Variants in TAF2 observed in about 807,000 individuals in gnomAD.
TAF2 encodes the protein TATA-box binding protein associated factor 2.
Under a neutral mutation model 138.5 loss-of-function variants are expected in TAF2, and 61 were observed. The observed-to-expected ratio is 0.44, with a 90% confidence interval of 0.36 to 0.54. The LOEUF (loss-of-function observed/expected upper bound fraction) is 0.54. Among genes scored for constraint, TAF2 ranks in the 20% least tolerant of loss-of-function variants. TAF2 has a pLI of 0.00. For synonymous variants in TAF2, 475 were observed against 469.9 expected (o/e 1.01, Z -0.14); for missense variants, 1,090 against 1,427.9 (o/e 0.76, Z 3.81).
At chr8:119,816,433 T>C (rs1355688322) in intron 3 of TAF2, among the ~76,000 whole-genome samples, 4 of 152,196 alleles carry the variant, frequency 2.6e-5, no homozygotes, top group Non-Finnish European at 5.9e-5. Flanking sequence ...GAAAATGTGA[T>C]TAAATATTAT....
At chr8:119,785,427 T>C (rs1339172636) in intron 14 of TAF2, among the ~76,000 whole-genome samples, 161 bp from the exon 15 acceptor site, 1 of 152,208 alleles carries the variant, frequency 6.6e-6, no homozygotes, top group Non-Finnish European at 1.5e-5. Context: ...GAACAAAGTC[T>C]CTTTATTTTA....
intron 5 of TAF2, 134 bp downstream of exon 5, chr8:119,803,744 G>A: frequency 4.4e-6 from 4 of 906,686 alleles, no homozygotes; most frequent in South Asian, 3.9e-5. Flanking sequence ...CTAACAGAAA[G>A]TAATTTGAAA....
chr8:119,801,566 C>T (rs1362400837), intron 6 of TAF2, among the ~76,000 whole-genome samples: 1 of 151,734 alleles, frequency 6.6e-6, no homozygotes, highest in Non-Finnish European at 1.5e-5. Context: ...GTAGCTGGGA[C>T]TACAGGCGCC....
chr8:119,832,628 T>C lies in TAF2; in HGVS notation c.-64A>G. 2 of 1,509,468 alleles carry C rather than the reference T, an allele frequency of 1.3e-6. No homozygotes were observed. Among genetic ancestry groups the C allele is most frequent in the Non-Finnish European group, 1.8e-6 (2 of 1,097,796 alleles). The allele number at this position is 1,509,468 out of a possible 1,614,324, so 93.5% of individuals were successfully genotyped here. A position where few individuals can be genotyped will look rare whatever the true frequency, so the allele number is the denominator to read the frequency against. On this transcript the variant is annotated 5_prime_UTR_variant, in exon 1 of 26. Coordinates refer to ENST00000378164, the MANE Select transcript of TAF2 (RefSeq NM_003184.4). ...GGGGATACGGGGCATTACTAGTCTT[T>C]GGCACCTCACACTCTCCACTCCCCT...
chr8:119,768,036 C>G lies in TAF2; in HGVS notation c.2365-5428G>C, dbSNP rs1821562369. On this transcript the variant is annotated intron_variant, in intron 18 of 25. Transcript: ENST00000378164. ...CTATAAAAGGGAAGTGCAATCGGGC[C>G]ACGCATCCCACAGCTGCCAGCCTCC... Among the ~76,000 whole-genome samples, 2 of 152,186 alleles carry G rather than the reference C, an allele frequency of 1.3e-5. 1 individual carries two copies. Among genetic ancestry groups the G allele is most frequent in the African/African-American group, 4.8e-5 (2 of 41,452 alleles).
At chr8:119,741,504 G>A (rs1040843543) in intron 25 of TAF2, among the ~76,000 whole-genome samples, 1 of 152,160 alleles carries the variant, frequency 6.6e-6, no homozygotes, top group Admixed American at 6.5e-5. Context: ...GTCCCCAACT[G>A]ATTTCTTTCT....
chr8:119,811,469 A>G (rs1179242050), intron 3 of TAF2, among the ~76,000 whole-genome samples: 1 of 152,210 alleles, frequency 6.6e-6, no homozygotes, highest in Non-Finnish European at 1.5e-5. Flanking sequence ...CTGAAAAATT[A>G]AAGTAATAAG....
intron 2 of TAF2, among the ~76,000 whole-genome samples, chr8:119,828,303 G>A (rs1826227127): frequency 6.6e-6 from 1 of 152,188 alleles, no homozygotes; most frequent in Non-Finnish European, 1.5e-5. Context: ...TGGAAGTTGA[G>A]GCTGCCCCTT....
intron 20 of TAF2, 177 bp downstream of exon 20, chr8:119,760,422 T>C: frequency 1.4e-6 from 1 of 717,110 alleles, no homozygotes; most frequent in South Asian, 2.1e-5. Context: ...CTTTCCCTCA[T>C]TTATTAACTC....
At chr8:119,757,612 G>A (rs1586337672) in intron 21 of TAF2, among the ~76,000 whole-genome samples, 2 of 147,616 alleles carry the variant, frequency 1.4e-5, no homozygotes, top group Middle Eastern at 6.9e-3. Context: ...TTTTAGCTGA[G>A]TGCGGTGGCT....
intron 22 of TAF2, among the ~76,000 whole-genome samples, chr8:119,751,386 C>T (rs1196400407): frequency 6.6e-6 from 1 of 152,178 alleles, no homozygotes; most frequent in African/African-American, 2.4e-5. Flanking sequence ...ATACTATTTT[C>T]TAAACACTCC....
chr8:119,791,176 G>A, intron 11 of TAF2, 148 bp downstream of exon 11: 1 of 815,156 alleles, frequency 1.2e-6, no homozygotes, highest in Non-Finnish European at 1.9e-6. Flanking sequence ...TACATCTGAG[G>A]AAATGCAAAT....
At chr8:119,806,033 T>G (rs1462250056) in intron 4 of TAF2, among the ~76,000 whole-genome samples, 2 of 151,740 alleles carry the variant, frequency 1.3e-5, no homozygotes, top group East Asian at 2.0e-4. Flanking sequence ...GCCTCCTGAG[T>G]AGCTGGGATT....
At chr8:119,827,084 T>C (rs560794323) in intron 2 of TAF2, among the ~76,000 whole-genome samples, 13 of 152,082 alleles carry the variant, frequency 8.5e-5, no homozygotes, top group Non-Finnish European at 1.5e-4. Context: ...TCCCAGCTAC[T>C]CAGGAGGCTG....
At chr8:119,771,568 AC>A (rs1821842120) in intron 18 of TAF2, among the ~76,000 whole-genome samples, 1 of 152,178 alleles carries the variant, frequency 6.6e-6, no homozygotes, top group African/African-American at 2.4e-5. Context: ...GATAAAATAG[AC>A]TTTAAACTGA....
chr8:119,759,277 C>T (rs1332414193), intron 20 of TAF2, among the ~76,000 whole-genome samples: 1 of 152,042 alleles, frequency 6.6e-6, no homozygotes, highest in Admixed American at 6.5e-5. Flanking sequence ...GAAGTTGGGT[C>T]AACACATAAG....
chr8:119,745,041 G>A (rs1252087946), intron 23 of TAF2: 10 of 455,752 alleles, frequency 2.2e-5, no homozygotes, highest in Admixed American at 4.7e-5. Context: ...ATCTTCCTGC[G>A]GCAATATTCA....
At chr8:119,742,744 C>G (rs1340493510) in intron 24 of TAF2, 88 bp from the exon 25 acceptor site, 1 of 1,527,062 alleles carries the variant, frequency 6.5e-7, no homozygotes, top group African/African-American at 1.4e-5. Context: ...TATAAGCTAG[C>G]CTTAAAGACA....
chr8:119,776,044 T>C (rs1021536678), intron 18 of TAF2, among the ~76,000 whole-genome samples: 4 of 152,160 alleles, frequency 2.6e-5, no homozygotes, highest in South Asian at 2.1e-4. Context: ...TTGGTATGCA[T>C]AGACGAGCTT....
Sources: allele counts gnomAD v4.1 joint callset (sites outside exome capture counted in the v4.1 genomes callset), GRCh38; gene constraint gnomAD v4.1.1; transcripts MANE v1.5; gene names NCBI Gene and HGNC (gene_info 2026-07-23, HGNC 2026-07-21).